Variants in PLEKHA5 observed in about 807,000 individuals in gnomAD.
PLEKHA5 encodes the protein pleckstrin homology domain-containing family A member 5.
In PLEKHA5, 55 loss-of-function variants were observed where a neutral mutation model predicts 181.9. The ratio of observed to expected loss-of-function variants is 0.30; its 90% CI spans 0.24 to 0.38. The LOEUF (loss-of-function observed/expected upper bound fraction) is 0.38, where lower values mean the gene tolerates loss of function less well. Ranked by LOEUF, PLEKHA5 falls within the 10% of genes least tolerant of loss-of-function variation. The probability of loss-of-function intolerance (pLI) is 1.00; values close to 1 mark genes in which losing one functional copy is unlikely to be tolerated. For synonymous variants in PLEKHA5, 535 were observed against 529.4 expected (o/e 1.01, Z -0.15); for missense variants, 1,432 against 1,549.5 (o/e 0.92, Z 1.27).
intron 3 of PLEKHA5, among the ~76,000 whole-genome samples, chr12:19,160,911 A>G (rs2042816062): frequency 6.6e-6 from 1 of 152,164 alleles, no homozygotes; most frequent in Admixed American, 6.5e-5. Context: ...AAACATGGAA[A>G]TAGAATCAAT....
intron 26 of PLEKHA5, among the ~76,000 whole-genome samples, chr12:19,356,662 C>CTTTTTTTTT (rs57809332): frequency 3.0e-5 from 3 of 99,820 alleles, no homozygotes; most frequent in Non-Finnish European, 1.8e-5. Context: ...AGTTGTTTTT[C>CTTTTTTTTT]TTTTTTTTTT....
intron 3 of PLEKHA5, among the ~76,000 whole-genome samples, chr12:19,148,391 A>G (rs543558641): frequency 6.6e-6 from 1 of 152,338 alleles, no homozygotes; most frequent in East Asian, 1.9e-4. Context: ...CAGGCTCTGC[A>G]AAGGTGCTGG....
intron 3 of PLEKHA5, among the ~76,000 whole-genome samples, chr12:19,252,797 T>A (rs1238285983): frequency 1.3e-5 from 2 of 152,088 alleles, no homozygotes; most frequent in African/African-American, 4.8e-5. Context: ...AGGTTATTTT[T>A]AAAACAGAAA....
intron 3 of PLEKHA5, among the ~76,000 whole-genome samples, chr12:19,147,763 TCTCA>T (rs2039312691): frequency 6.6e-6 from 1 of 152,166 alleles, no homozygotes; most frequent in African/African-American, 2.4e-5. Context: ...AGAGACAGGG[TCTCA>T]CTCTGTTGCC....
rs1325513633 is a variant in PLEKHA5, at chr12:19,283,573, T to C, written c.1607T>C (p.Met536Thr). The C allele has an allele frequency of 1.2e-6, 2 of 1,614,116 alleles. No homozygotes were observed. Among genetic ancestry groups the C allele is most frequent in the Admixed American group, 1.7e-5 (1 of 60,018 alleles). Residue 536 changes from methionine (M) to threonine (T), a missense_variant, in exon 12 of 32, where the codon ATG (methionine) becomes ACG (threonine). Physicochemically the swap from Met to Thr is moderately conservative, Grantham distance 81. This residue lies in a region of PLEKHA5 where 1,143 missense variants were observed against 1,168.4 expected (regional missense o/e 0.98). Transcript: ENST00000429027. ...AGTACTTTGAGTAGTCCCAAAACCA[T>C]GGTAAATATTTCTGACCAGACAATG... ...RHSTLSSPKT[M>T]VNISDQTMHS...
At chr12:19,333,137 T>A (rs2093012897) in intron 20 of PLEKHA5, among the ~76,000 whole-genome samples, 1 of 151,950 alleles carries the variant, frequency 6.6e-6, no homozygotes. Flanking sequence ...ATACAAAAAT[T>A]AGCCGGACAT....
At chr12:19,183,244 G>T (rs1437515023) in intron 3 of PLEKHA5, among the ~76,000 whole-genome samples, 1 of 152,136 alleles carries the variant, frequency 6.6e-6, no homozygotes, top group Non-Finnish European at 1.5e-5. Flanking sequence ...TATCTCCCTT[G>T]TATAGATTAA....
intron 7 of PLEKHA5, among the ~76,000 whole-genome samples, chr12:19,263,782 G>A (rs1397322878): frequency 6.6e-6 from 1 of 152,106 alleles, no homozygotes; most frequent in East Asian, 1.9e-4. Flanking sequence ...GTTGTTCTTG[G>A]AACCATCAGC....
intron 7 of PLEKHA5, among the ~76,000 whole-genome samples, chr12:19,261,293 A>G (rs962212111): frequency 1.3e-5 from 2 of 152,164 alleles, no homozygotes; most frequent in Admixed American, 1.3e-4. Context: ...GGTGCTTAAT[A>G]GATACAATCC....
chr12:19,200,546 C>G, intron 3 of PLEKHA5: 2 of 1,303,736 alleles, frequency 1.5e-6, no homozygotes, highest in East Asian at 2.8e-5. Context: ...TTGTCTCACT[C>G]CTCTTTTCCT....
chr12:19,275,864 G>T (rs1216003590), intron 11 of PLEKHA5, among the ~76,000 whole-genome samples: 1 of 152,054 alleles, frequency 6.6e-6, no homozygotes, highest in Non-Finnish European at 1.5e-5. Context: ...TATGCTAATT[G>T]TGGGACCGCA....
chr12:19,243,880 T>G (rs1001154672), intron 3 of PLEKHA5, among the ~76,000 whole-genome samples: 1 of 152,228 alleles, frequency 6.6e-6, no homozygotes, highest in African/African-American at 2.4e-5. Context: ...AATGTTTTTC[T>G]TTTGTTCTTA....
intron 3 of PLEKHA5, among the ~76,000 whole-genome samples, chr12:19,246,189 A>G (rs959139932): frequency 6.6e-6 from 1 of 151,582 alleles, no homozygotes; most frequent in Non-Finnish European, 1.5e-5. Flanking sequence ...CGTGTTAGCC[A>G]TGATGGTCTC....
chr12:19,220,985 A>G (rs2058849659), intron 3 of PLEKHA5, among the ~76,000 whole-genome samples: 1 of 152,322 alleles, frequency 6.6e-6, no homozygotes, highest in East Asian at 1.9e-4. Flanking sequence ...TAAAATGGCT[A>G]AAATTCAAAA....
At chr12:19,146,335 C>G (rs540365115) in intron 3 of PLEKHA5, among the ~76,000 whole-genome samples, 1 of 152,286 alleles carries the variant, frequency 6.6e-6, no homozygotes, top group South Asian at 2.1e-4. Flanking sequence ...TGAATCTCTT[C>G]TGTAAATTTC....
chr12:19,234,667 G>A (rs924469106), intron 3 of PLEKHA5, among the ~76,000 whole-genome samples: 2 of 152,280 alleles, frequency 1.3e-5, no homozygotes, highest in Admixed American at 1.3e-4. Flanking sequence ...TTACAAAAAT[G>A]TCTGCCTTCA....
chr12:19,216,872 T>C (rs2058069431), intron 3 of PLEKHA5, among the ~76,000 whole-genome samples: 1 of 152,168 alleles, frequency 6.6e-6, no homozygotes, highest in African/African-American at 2.4e-5. Context: ...CCTCTTAATA[T>C]GTTAAATATA....
chr12:19,203,941 T>G (rs1161838158), intron 3 of PLEKHA5, among the ~76,000 whole-genome samples: 2 of 152,098 alleles, frequency 1.3e-5, no homozygotes, highest in Non-Finnish European at 2.9e-5. Flanking sequence ...TTACTCTTTC[T>G]ACAGAACTAC....
intron 20 of PLEKHA5, among the ~76,000 whole-genome samples, chr12:19,323,724 G>A (rs184636409): frequency 6.9e-4 from 104 of 150,656 alleles, no homozygotes; most frequent in Middle Eastern, 6.9e-3. Context: ...GCTGAGGCAC[G>A]AGAATTGCTT....
Sources: allele counts gnomAD v4.1 joint callset (sites outside exome capture counted in the v4.1 genomes callset), GRCh38; gene constraint gnomAD v4.1.1; regional missense constraint gnomAD v4.1.1; transcripts MANE v1.5; gene names NCBI Gene and HGNC (gene_info 2026-07-23, HGNC 2026-07-21).